Variants in ZNF544 observed in about 807,000 individuals in gnomAD.
ZNF544 encodes the protein zinc finger protein AF020591.
A neutral mutation model predicts 13.5 loss-of-function variants in ZNF544; 10 were observed. The observed-to-expected ratio is 0.74, with a 90% CI of 0.46 to 1.25. The LOEUF (loss-of-function observed/expected upper bound fraction) is 1.25, where lower values mean the gene tolerates loss of function less well. ZNF544 is among the 50% of genes most tolerant of loss of function. The pLI, the probability that ZNF544 is intolerant of heterozygous loss-of-function variation, is 0.00. For missense variants in ZNF544, 896 were observed against 845.6 expected, an observed-to-expected ratio of 1.06 and a Z score of -0.74; for synonymous variants, 323 against 300.5, an observed-to-expected ratio of 1.07 and a Z score of -0.77.
chr19:58,251,714 TGGGC>T (rs987928784), intron 6 of ZNF544, among the ~76,000 whole-genome samples: 2 of 152,340 alleles, frequency 1.3e-5, no homozygotes, highest in African/African-American at 4.8e-5. Context: ...AACATTTGTG[TGGGC>T]TCATAATAAT....
In ZNF544 at chr19:58,261,096, G is replaced by A; in HGVS notation, c.490G>A (p.Gly164Ser). The A allele has an allele frequency of 6.2e-7, 1 of 1,614,138 alleles. No homozygotes were observed. The highest frequency in any genetic ancestry group is 8.5e-7 in the Non-Finnish European group (1 of 1,180,034). ...ACATTGTGAGCTTGAACTTGGGGGA[G>A]GTTATTCTCTACCTTCTACTTTAAG... is the stretch of plus-strand genomic sequence containing the variant. ...REHCELELGG[G>S]YSLPSTLSLL... The change falls in exon 7 of 7, where the codon GGT becomes AGT. Residue 164 changes from glycine to serine, a missense_variant. Physicochemically the swap from Gly to Ser is moderately conservative, Grantham distance 56. Coordinates refer to ENST00000687789, the MANE Select transcript of ZNF544 (RefSeq NM_014480.4).
intron 5 of ZNF544, chr19:58,276,276 G>A: frequency 6.6e-6 from 7 of 1,064,152 alleles, no homozygotes; most frequent in Non-Finnish European, 7.2e-6. Flanking sequence ...GGTGGCCACT[G>A]TGCAGGGGAA....
chr19:58,244,426 C>T (rs1262997058), intron 4 of ZNF544, among the ~76,000 whole-genome samples: 1 of 151,900 alleles, frequency 6.6e-6, no homozygotes, highest in African/African-American at 2.4e-5. Context: ...GGGAGTGTCC[C>T]CTTAAAGCAC....
At chr19:58,273,508 C>G (rs1040249559) in intron 5 of ZNF544, among the ~76,000 whole-genome samples, 3 of 151,544 alleles carry the variant, frequency 2.0e-5, no homozygotes, top group Admixed American at 6.6e-5. Flanking sequence ...GGCCAACAGG[C>G]CGAAACCCTG....
In ZNF544 at chr19:58,230,417, G is replaced by A. The variant is rs1243595051; in HGVS notation, c.-105G>A. ...AGATGTCTACGGATGAGGAAACTGA[G>A]GCCTGGAGAGGTTAAAGAGACCCGT... On this transcript the variant is annotated 5_prime_UTR_variant, in exon 3 of 7. Transcript: ENST00000687789. The A allele has an allele frequency of 2.6e-5, 4 of 152,294 alleles. No homozygotes were observed. The highest frequency in any genetic ancestry group is 9.6e-5 in the African/African-American group (4 of 41,460). The allele number at this position is 152,294 out of a possible 1,614,324, so 9.4% of individuals were successfully genotyped here. A position where few individuals can be genotyped will look rare whatever the true frequency, so the allele number is the denominator to read the frequency against.
At chr19:58,263,685 G>A (rs993252972), downstream of ZNF544, 2 of 651,916 alleles carry the variant, frequency 3.1e-6, no homozygotes, top group Non-Finnish European at 3.8e-6. Flanking sequence ...AGGTGAGTGG[G>A]CATGGTGGCT....
intron 3 of ZNF544, among the ~76,000 whole-genome samples, chr19:58,235,208 G>A (rs999281295): frequency 6.6e-6 from 1 of 152,222 alleles, no homozygotes; most frequent in Non-Finnish European, 1.5e-5. Context: ...AAGCTACACA[G>A]CGTGTTATTG....
At chr19:58,258,520 G>C (rs2048150411) in intron 6 of ZNF544, 2 of 105,078 alleles carry the variant, frequency 1.9e-5, no homozygotes, top group Admixed American at 2.2e-4. Context: ...CTGGGTGTGA[G>C]GGCACCAGGT....
At chr19:58,241,162 A>AATATAT (rs374852336) in intron 3 of ZNF544, among the ~76,000 whole-genome samples, 3 of 89,296 alleles carry the variant, frequency 3.4e-5, no homozygotes, top group African/African-American at 1.0e-4. Context: ...TATATATTTA[A>AATATAT]ATATATATAT....
rs770381176 is a variant in ZNF544, at chr19:58,261,087, C to T, written c.481C>T (p.Leu161Phe). The T allele has an allele frequency of 3.7e-6, 6 of 1,614,166 alleles. No homozygotes were observed. Among genetic ancestry groups the T allele is most frequent in the Middle Eastern group, 3.3e-4 (2 of 6,062 alleles). The change falls in exon 7 of 7, where the codon CTT becomes TTT. Residue 161 changes from leucine to phenylalanine, a missense_variant. Transcript: ENST00000687789. Reference protein sequence around the residue: ...FAQREHCELELGGGYSLPSTL... With the variant: ...FAQREHCELEFGGGYSLPSTL... ...TCAAAGGGAACATTGTGAGCTTGAACTTGGGGGAGGTTATTCTCTACCTTC... is the reference window on the plus strand; with the variant it reads ...TCAAAGGGAACATTGTGAGCTTGAATTTGGGGGAGGTTATTCTCTACCTTC...
rs544965669 is a variant in ZNF544, at chr19:58,256,567, G to A, written c.245-4284G>A. On this transcript the variant is annotated intron_variant, in intron 6 of 6. Transcript: ENST00000687789. ...CTTAAACGGTTACAAGAAGAGCAAC[G>A]GTACCACGTGCAAGGTTCTAAATCT... Among the ~76,000 whole-genome samples the A allele has an allele frequency of 1.4e-4, 22 of 152,262 alleles. No homozygotes were observed. The East Asian group carries it at 3.7e-3, about 25-fold the overall frequency.
intron 6 of ZNF544, among the ~76,000 whole-genome samples, chr19:58,250,499 T>C (rs1199506740): frequency 6.6e-6 from 1 of 152,180 alleles, no homozygotes; most frequent in Non-Finnish European, 1.5e-5. Context: ...ATGAAAACCA[T>C]ACAGGTTTTC....
Position 58,261,333 on chromosome 19 carries a change from GA to G in ZNF544, c.729del (p.Glu243AspfsTer24), listed in dbSNP as rs1323199981. On this transcript the variant is annotated frameshift_variant, in exon 7 of 7. Transcript: ENST00000687789. LOFTEE classifies it low-confidence loss of function (END_TRUNC). ...TGAAACAGGAAAGAAAAACCCTTAT[GA>G]ATATATTGTCAGTGGTGACTCTCTC... ...NVETGKKNPY[E>X]YIVSGDSLNY... The G allele has an allele frequency of 9.9e-6, 16 of 1,613,984 alleles. No homozygotes were observed. Among genetic ancestry groups the G allele is most frequent in the Non-Finnish European group, 1.4e-5 (16 of 1,180,052 alleles).
chr19:58,276,229 T>C (rs948515575), intron 5 of ZNF544: 20 of 531,850 alleles, frequency 3.8e-5, no homozygotes, highest in African/African-American at 2.8e-4. Context: ...CTAAAGAGAA[T>C]AGATCTTTGC....
chr19:58,271,816 C>T (rs747763433), intron 5 of ZNF544, among the ~76,000 whole-genome samples: 28 of 152,122 alleles, frequency 1.8e-4, no homozygotes, highest in Admixed American at 1.6e-3. Context: ...AACTGTCCTA[C>T]TCTCCTTTTG....
rs766577741 is a variant in ZNF544 at position 58,261,834 on chromosome 19, T to C, written c.1228T>C (p.Cys410Arg). 9.3e-6 allele frequency: 15 copies of C among 1,613,156 alleles called. No individual in the cohort carries two copies. Among genetic ancestry groups the C allele is most frequent in the Admixed American group, 1.7e-5 (1 of 59,876 alleles). ...ACACACTGGAGAGAAGCCCTATGAG[T>C]GTGACCTGTGTGGGAAATCCTTCAC... ...RTHTGEKPYE[C>R]DLCGKSFTQR... Residue 410 changes from cysteine (C) to arginine (R), a missense_variant, in exon 7 of 7, where the codon TGT becomes CGT. Transcript: ENST00000687789.
intron 3 of ZNF544, among the ~76,000 whole-genome samples, chr19:58,232,525 A>AT (rs373565591): frequency 3.2e-4 from 48 of 151,428 alleles, no homozygotes; most frequent in African/African-American, 1.2e-3. Flanking sequence ...TAACTTTTTG[A>AT]TTTTTTTGTA....
intron 6 of ZNF544, among the ~76,000 whole-genome samples, chr19:58,250,558 G>T (rs1309121573): frequency 6.6e-6 from 1 of 152,110 alleles, no homozygotes; most frequent in African/African-American, 2.4e-5. Context: ...TCATGTGAGG[G>T]GTTAATAATC....
intron 5 of ZNF544, among the ~76,000 whole-genome samples, chr19:58,269,646 C>T (rs1237831530): frequency 1.4e-5 from 2 of 145,644 alleles, no homozygotes; most frequent in African/African-American, 5.1e-5. Flanking sequence ...GCAGGGCTGG[C>T]ATGGTGGCTC....
Sources: gnomAD v4.1 joint callset for allele counts (sites outside exome capture counted in the v4.1 genomes callset) on GRCh38, gnomAD v4.1.1 for gene constraint, MANE v1.5 for transcripts, NCBI Gene and HGNC (gene_info 2026-07-23, HGNC 2026-07-21) for gene names.